ZCCHC7: variants seen among roughly 807,000 people sequenced by gnomAD.
ZCCHC7 encodes zinc finger CCHC-type containing 7, also known as zinc finger CCHC domain-containing protein 7.
In ZCCHC7, 35 loss-of-function variants were observed where a neutral mutation model predicts 52.0. The observed-to-expected ratio is 0.67, with a 90% CI of 0.51 to 0.89. ZCCHC7 has a LOEUF of 0.89. Among genes scored for constraint, ZCCHC7 ranks in the 40% least tolerant of loss-of-function variants. The pLI, the probability that ZCCHC7 is intolerant of heterozygous loss-of-function variation, is 0.00. For synonymous variants in ZCCHC7, 217 were observed against 221.5 expected, an observed-to-expected ratio of 0.98 and a Z score of 0.18; for missense variants, 574 against 649.1, an observed-to-expected ratio of 0.88 and a Z score of 1.26.
intron 5 of ZCCHC7, among the ~76,000 whole-genome samples, chr9:37,307,792 A>G (rs995560348): frequency 6.6e-6 from 1 of 152,196 alleles, no homozygotes; most frequent in Non-Finnish European, 1.5e-5. Flanking sequence ...TAACATGACA[A>G]TTATTTATTG....
chr9:37,256,109 T>C (rs1470371035), intron 2 of ZCCHC7, among the ~76,000 whole-genome samples: 1 of 152,198 alleles, frequency 6.6e-6, no homozygotes, highest in Admixed American at 6.5e-5. Flanking sequence ...GACTGGTTAC[T>C]AGCTTCCAAA....
At chr9:37,240,795 C>G (rs1389385962) in intron 2 of ZCCHC7, among the ~76,000 whole-genome samples, 2 of 151,596 alleles carry the variant, frequency 1.3e-5, no homozygotes, top group Admixed American at 6.6e-5. Context: ...AATTTTTTTT[C>G]TAGCTAAAAG....
At chr9:37,307,046 A>G (rs1171137242) in intron 5 of ZCCHC7, among the ~76,000 whole-genome samples, 1 of 149,194 alleles carries the variant, frequency 6.7e-6, no homozygotes, top group Admixed American at 6.6e-5. Context: ...TCAGCCTCCC[A>G]AAGTGCTAGG....
In ZCCHC7 at chr9:37,306,497, G is replaced by A. The variant is rs146157670; in HGVS notation, c.951+783G>A. ...TATTTATTTTTTGAGATGGAGTCTCGCTCTGTTGCCCAGGCTGGAGTGCAG... is the reference window on the plus strand; with the variant it reads ...TATTTATTTTTTGAGATGGAGTCTCACTCTGTTGCCCAGGCTGGAGTGCAG... On this transcript the variant is annotated intron_variant, in intron 5 of 8. Transcript: ENST00000336755. 7.4e-4 allele frequency among the ~76,000 whole-genome samples: 109 copies of A among 148,230 alleles called. 2 individuals carry two copies. In the East Asian group the frequency reaches 0.019, roughly 26 times the overall value.
chr9:37,284,103 G>A (rs1473986062), intron 2 of ZCCHC7: 2 of 151,988 alleles, frequency 1.3e-5, no homozygotes, highest in East Asian at 1.9e-4. Flanking sequence ...GAATTCCCCC[G>A]ACTGTGTGGT....
intron 2 of ZCCHC7, among the ~76,000 whole-genome samples, chr9:37,290,514 A>G (rs185106242): frequency 3.3e-5 from 5 of 152,146 alleles, no homozygotes; most frequent in East Asian, 1.9e-4. Flanking sequence ...AAGTTAGCCA[A>G]GTGTGGTGGC....
intron 2 of ZCCHC7, among the ~76,000 whole-genome samples, chr9:37,164,215 G>A (rs1034787143): frequency 6.6e-6 from 1 of 152,044 alleles, no homozygotes; most frequent in African/African-American, 2.4e-5. Flanking sequence ...GCCGAACTGG[G>A]CAGATCACTT....
intron 6 of ZCCHC7, among the ~76,000 whole-genome samples, chr9:37,336,619 T>C (rs1464151854): frequency 6.6e-6 from 1 of 152,248 alleles, no homozygotes; most frequent in Admixed American, 6.5e-5. Flanking sequence ...TTCTATTCTT[T>C]TATAATTTTT....
chr9:37,163,873 CAG>C (rs1313062678), intron 2 of ZCCHC7, among the ~76,000 whole-genome samples: 1 of 152,120 alleles, frequency 6.6e-6, no homozygotes, highest in African/African-American at 2.4e-5. Flanking sequence ...AGGTGTAAAT[CAG>C]AGTCCTTTAT....
chr9:37,226,134 A>G (rs559859678), intron 2 of ZCCHC7, among the ~76,000 whole-genome samples: 130 of 152,348 alleles, frequency 8.5e-4, no homozygotes, highest in African/African-American at 3.0e-3. Flanking sequence ...ACAACTAATT[A>G]TATTTCTGTA....
At chr9:37,189,251 T>C (rs761470448) in intron 2 of ZCCHC7, among the ~76,000 whole-genome samples, 14 of 152,150 alleles carry the variant, frequency 9.2e-5, no homozygotes, top group Non-Finnish European at 1.2e-4. Flanking sequence ...TATTTCAGTG[T>C]TGGCATCTGT....
intron 2 of ZCCHC7, among the ~76,000 whole-genome samples, chr9:37,184,690 G>T (rs551407757): frequency 7.4e-5 from 11 of 148,780 alleles, no homozygotes; most frequent in Non-Finnish European, 1.2e-4. Flanking sequence ...CTGGTGATTT[G>T]TTGTTGTTGT....
chr9:37,336,713 T>A (rs564225518), intron 6 of ZCCHC7, among the ~76,000 whole-genome samples: 1 of 151,154 alleles, frequency 6.6e-6, no homozygotes, highest in Non-Finnish European at 1.5e-5. Context: ...GGAAGATGTA[T>A]ATTAGTGTGA....
chr9:37,217,857 T>G (rs1252408617), intron 2 of ZCCHC7, among the ~76,000 whole-genome samples: 6 of 152,218 alleles, frequency 3.9e-5, no homozygotes, highest in Non-Finnish European at 1.5e-5. Flanking sequence ...AAATCATTTT[T>G]TAAAATGTGC....
chr9:37,314,197 A>G (rs932628635), intron 5 of ZCCHC7, among the ~76,000 whole-genome samples: 1 of 152,196 alleles, frequency 6.6e-6, no homozygotes, highest in Non-Finnish European at 1.5e-5. Flanking sequence ...CTTACCTTTC[A>G]TCAAAGGAAG....
intron 2 of ZCCHC7, among the ~76,000 whole-genome samples, chr9:37,293,507 T>C: frequency 6.6e-6 from 1 of 152,346 alleles, no homozygotes; most frequent in South Asian, 2.1e-4. Flanking sequence ...GTTTTATTTA[T>C]GCTTGTCATT....
chr9:37,308,023 CAACATT>C (rs1227718229), intron 5 of ZCCHC7, among the ~76,000 whole-genome samples: 1 of 152,116 alleles, frequency 6.6e-6, no homozygotes, highest in Non-Finnish European at 1.5e-5. Flanking sequence ...CTGCACTCAT[CAACATT>C]AAGTATTATC....
chr9:37,130,252 A>AG (rs1842717691), intron 2 of ZCCHC7, among the ~76,000 whole-genome samples: 1 of 144,374 alleles, frequency 6.9e-6, no homozygotes, highest in African/African-American at 2.6e-5. Flanking sequence ...AAAAAAAAAA[A>AG]GATAAGTTTT....
intron 2 of ZCCHC7, among the ~76,000 whole-genome samples, chr9:37,234,898 A>C (rs1330085332): frequency 6.6e-6 from 1 of 152,170 alleles, no homozygotes; most frequent in Non-Finnish European, 1.5e-5. Context: ...GTGTCATTTA[A>C]TCTTTTCTCA....
Sources: gnomAD v4.1 joint callset for allele counts (sites outside exome capture counted in the v4.1 genomes callset) on GRCh38, gnomAD v4.1.1 for gene constraint, MANE v1.5 for transcripts, NCBI Gene and HGNC (gene_info 2026-07-23, HGNC 2026-07-21) for gene names.